The following GABRB1 variants were observed in gnomAD, a reference collection of about 807,000 sequenced individuals.
GABRB1 encodes gamma-aminobutyric acid receptor subunit beta-1.
In GABRB1, 17 loss-of-function variants were observed where a neutral mutation model predicts 51.6. The observed-to-expected ratio is 0.33, with a 90% CI of 0.23 to 0.49. The LOEUF is 0.49. Ranked by LOEUF, GABRB1 falls within the 20% of genes least tolerant of loss-of-function variation. GABRB1 has a pLI of 0.99. For missense variants in GABRB1, 410 were observed against 600.6 expected (o/e 0.68, Z 3.32); for synonymous variants, 247 against 218.9 (o/e 1.13, Z -1.14).
chr4:47,308,473 T>C (rs182828699), intron 4 of GABRB1, among the ~76,000 whole-genome samples: 1 of 152,154 alleles, frequency 6.6e-6, no homozygotes, highest in Admixed American at 6.5e-5. Context: ...TTGGTTTTGG[T>C]TTTGTTTGTT....
intron 5 of GABRB1, among the ~76,000 whole-genome samples, chr4:47,376,421 C>A (rs1437156475): frequency 6.6e-6 from 1 of 152,022 alleles, no homozygotes; most frequent in Non-Finnish European, 1.5e-5. Context: ...TCGAGACGGG[C>A]GGATCACGAG....
intron 3 of GABRB1, among the ~76,000 whole-genome samples, chr4:47,079,323 T>C (rs1727718522): frequency 6.6e-6 from 1 of 152,216 alleles, no homozygotes; most frequent in Admixed American, 6.5e-5. Flanking sequence ...ATTCAATTTC[T>C]TCCTGGTTTA....
intron 5 of GABRB1, among the ~76,000 whole-genome samples, chr4:47,346,059 G>A (rs1726077735): frequency 7.3e-6 from 1 of 137,102 alleles, no homozygotes; most frequent in Admixed American, 7.4e-5. Flanking sequence ...AAAAAAAAAG[G>A]CCTGCAGATA....
chr4:47,020,115 T>C (rs950683041), intron 1 of GABRB1, among the ~76,000 whole-genome samples: 12 of 151,924 alleles, frequency 7.9e-5, no homozygotes, highest in African/African-American at 2.9e-4. Context: ...TCTCTCTCCT[T>C]GATTTGCAGA....
intron 1 of GABRB1, among the ~76,000 whole-genome samples, chr4:47,012,601 A>G (rs1032353104): frequency 6.6e-6 from 1 of 152,216 alleles, no homozygotes; most frequent in Non-Finnish European, 1.5e-5. Flanking sequence ...TATAACAAAA[A>G]CAATACAAAA....
intron 3 of GABRB1, among the ~76,000 whole-genome samples, chr4:47,073,675 G>A (rs927546159): frequency 6.6e-6 from 1 of 152,136 alleles, no homozygotes; most frequent in Middle Eastern, 3.2e-3. Flanking sequence ...GTAATCTCCT[G>A]CCTTTAAGCT....
At chr4:47,243,645 A>G (rs1157912022) in intron 4 of GABRB1, among the ~76,000 whole-genome samples, 4 of 152,098 alleles carry the variant, frequency 2.6e-5, no homozygotes, top group Non-Finnish European at 5.9e-5. Context: ...TTCTCTTTGA[A>G]GCAGTTGTGA....
At chr4:47,094,760 G>T (rs1228725490) in intron 3 of GABRB1, among the ~76,000 whole-genome samples, 1 of 139,498 alleles carries the variant, frequency 7.2e-6, no homozygotes, top group East Asian at 2.1e-4. Flanking sequence ...TGAACTTAAA[G>T]GTAAAAAAAA....
chr4:47,257,742 G>T (rs1277511820), intron 4 of GABRB1, among the ~76,000 whole-genome samples: 2 of 150,790 alleles, frequency 1.3e-5, no homozygotes, highest in African/African-American at 4.9e-5. Context: ...CTCTTTACCA[G>T]TTCACCCTAA....
chr4:47,308,432 G>A (rs942139477), intron 4 of GABRB1, among the ~76,000 whole-genome samples: 10 of 152,018 alleles, frequency 6.6e-5, no homozygotes, highest in Admixed American at 2.0e-4. Context: ...AGGGAGCTGG[G>A]AATTTTGCAC....
At chr4:47,306,771 T>C (rs1303820556) in intron 4 of GABRB1, among the ~76,000 whole-genome samples, 4 of 152,198 alleles carry the variant, frequency 2.6e-5, no homozygotes, top group Non-Finnish European at 5.9e-5. Flanking sequence ...CACACAACAC[T>C]ATGTAAGACA....
At chr4:47,258,803 T>C (rs1477622810) in intron 4 of GABRB1, among the ~76,000 whole-genome samples, 1 of 152,148 alleles carries the variant, frequency 6.6e-6, no homozygotes, top group African/African-American at 2.4e-5. Context: ...CTAAAAAGTG[T>C]CTCATTAAGT....
At chr4:47,139,688 T>C (rs577338649) in intron 3 of GABRB1, among the ~76,000 whole-genome samples, 12 of 152,202 alleles carry the variant, frequency 7.9e-5, no homozygotes, top group African/African-American at 2.9e-4. Flanking sequence ...TTTTAACCAC[T>C]AACGGAGATA....
intron 5 of GABRB1, among the ~76,000 whole-genome samples, chr4:47,336,954 G>A (rs144279712): frequency 6.6e-6 from 1 of 152,290 alleles, no homozygotes; most frequent in East Asian, 1.9e-4. Context: ...TTAAAGTCTG[G>A]TGTATAGAAA....
At chr4:47,107,080 C>T (rs923104635) in intron 3 of GABRB1, among the ~76,000 whole-genome samples, 3 of 152,058 alleles carry the variant, frequency 2.0e-5, no homozygotes, top group African/African-American at 7.2e-5. Flanking sequence ...TATTTACTAG[C>T]TAAAACACTT....
Position 47,344,988 on chromosome 4 carries a change from G to T in GABRB1, c.544+24779G>T, listed in dbSNP as rs542784426. 3.3e-5 allele frequency among the ~76,000 whole-genome samples: 5 copies of T among 152,224 alleles called. No individual in the cohort carries two copies. The East Asian group carries it at 9.7e-4, about 29-fold the overall frequency. ...TCCGCCTGCCTCAGCCTCCCAAAGT[G>T]CTGGGATTACAGCCGTGAGCCACTA... On this transcript the variant is annotated intron_variant, in intron 5 of 8. Transcript: ENST00000295454.
At chr4:47,272,714 A>T (rs1163755520) in intron 4 of GABRB1, among the ~76,000 whole-genome samples, 1 of 152,174 alleles carries the variant, frequency 6.6e-6, no homozygotes, top group Non-Finnish European at 1.5e-5. Flanking sequence ...ACACTATCCC[A>T]CTACATCCAA....
intron 4 of GABRB1, among the ~76,000 whole-genome samples, chr4:47,264,676 T>A (rs1400064095): frequency 6.6e-6 from 1 of 152,200 alleles, no homozygotes; most frequent in Non-Finnish European, 1.5e-5. Flanking sequence ...ATTTAATAAG[T>A]GATACATTTA....
chr4:47,335,000 T>C (rs1178141532), intron 5 of GABRB1, among the ~76,000 whole-genome samples: 2 of 152,208 alleles, frequency 1.3e-5, no homozygotes, highest in East Asian at 1.9e-4. Flanking sequence ...ATGTAATTAA[T>C]GTGTCAACAG....
Sources: gnomAD v4.1 joint callset for allele counts (sites outside exome capture counted in the v4.1 genomes callset) on GRCh38, gnomAD v4.1.1 for gene constraint, MANE v1.5 for transcripts, NCBI Gene and HGNC (gene_info 2026-07-23, HGNC 2026-07-21) for gene names.